The following ST7 variants were observed in gnomAD, a reference collection of about 807,000 sequenced individuals.
The protein encoded by ST7 is suppression of tumorigenicity 7, also known as suppressor of tumorigenicity 7 protein.
In ST7, 28 loss-of-function variants were observed where a neutral mutation model predicts 78.7. The observed-to-expected ratio is 0.36, with a 90% CI of 0.26 to 0.49. The LOEUF (loss-of-function observed/expected upper bound fraction) is 0.49, where lower values mean the gene tolerates loss of function less well. Ranked by LOEUF, ST7 falls within the 20% of genes least tolerant of loss-of-function variation. ST7 has a pLI of 0.99. For synonymous variants in ST7, 247 were observed against 249.6 expected, an observed-to-expected ratio of 0.99 and a Z score of 0.10; for missense variants, 418 against 696.0, an observed-to-expected ratio of 0.60 and a Z score of 4.49.
intron 9 of ST7, among the ~76,000 whole-genome samples, chr7:117,162,905 A>T (rs889637717): frequency 1.8e-4 from 28 of 152,084 alleles, no homozygotes; most frequent in African/African-American, 6.0e-4. Context: ...ATCTTTTAAC[A>T]AATCTCTCTC....
At chr7:117,035,678 T>C (rs1314639632) in intron 1 of ST7, among the ~76,000 whole-genome samples, 1 of 152,186 alleles carries the variant, frequency 6.6e-6, no homozygotes, top group Non-Finnish European at 1.5e-5. Context: ...AGGAGGACAT[T>C]GGTTTTCATG....
chr7:117,208,311 A>C (rs985758359), intron 12 of ST7, among the ~76,000 whole-genome samples: 1 of 152,176 alleles, frequency 6.6e-6, no homozygotes, highest in Admixed American at 6.5e-5. Flanking sequence ...CCTCTCATGG[A>C]CCAGCCTGGA....
At chr7:117,038,115 C>G (rs1796994003) in intron 1 of ST7, among the ~76,000 whole-genome samples, 1 of 152,146 alleles carries the variant, frequency 6.6e-6, no homozygotes, top group Non-Finnish European at 1.5e-5. Context: ...AGGTCATTCC[C>G]AAGCTAATGG....
chr7:117,072,909 A>G (rs1001459305), intron 1 of ST7: 2 of 152,306 alleles, frequency 1.3e-5, no homozygotes, highest in African/African-American at 4.8e-5. Context: ...AAAGTGGCAC[A>G]CAAGCATGAG....
chr7:116,969,863 G>A, intron 1 of ST7, among the ~76,000 whole-genome samples: 1 of 152,134 alleles, frequency 6.6e-6, no homozygotes, highest in Non-Finnish European at 1.5e-5. Context: ...ATCACCTGAA[G>A]TTAGGAGTTT....
chr7:117,151,253 G>C (rs1302054639), intron 9 of ST7, among the ~76,000 whole-genome samples: 1 of 152,168 alleles, frequency 6.6e-6, no homozygotes, highest in Non-Finnish European at 1.5e-5. Flanking sequence ...CTCTGTATGT[G>C]GTCTGCGAGG....
Position 117,195,086 on chromosome 7 carries a change from A to T in ST7, c.1254+4150A>T, listed in dbSNP as rs566257848. Among the ~76,000 whole-genome samples the T allele has an allele frequency of 1.6e-3, 248 of 152,346 alleles. 2 individuals are homozygous for T. Among genetic ancestry groups the T allele is most frequent in the African/African-American group, 5.8e-3 (243 of 41,572 alleles). ...TTTGCTCTATAGTGATATTATAAAA[A>T]ACAATCTACTCATATTTAAGACTAT... On this transcript the variant is annotated intron_variant, in intron 12 of 15. Transcript: ENST00000323984.
intron 9 of ST7, among the ~76,000 whole-genome samples, chr7:117,148,248 T>C (rs534337905): frequency 2.0e-5 from 3 of 152,308 alleles, no homozygotes; most frequent in East Asian, 3.9e-4. Flanking sequence ...CTTACTGATA[T>C]GTTATTATGA....
intron 1 of ST7, among the ~76,000 whole-genome samples, chr7:117,005,662 T>G (rs1357026329): frequency 6.6e-6 from 1 of 152,166 alleles, no homozygotes; most frequent in South Asian, 2.1e-4. Flanking sequence ...AGATGTAGTA[T>G]GCTGAATTCC....
intron 1 of ST7, among the ~76,000 whole-genome samples, chr7:116,993,187 C>T (rs1464187727): frequency 2.0e-5 from 3 of 152,148 alleles, no homozygotes; most frequent in Non-Finnish European, 2.9e-5. Flanking sequence ...TTTTTAGCAA[C>T]GCCCCACTCT....
chr7:117,034,289 A>G (rs1469796126), intron 1 of ST7, among the ~76,000 whole-genome samples: 5 of 152,202 alleles, frequency 3.3e-5, no homozygotes, highest in Admixed American at 6.5e-5. Context: ...TAAAGGCTCA[A>G]TGAATGCTAC....
At chr7:117,116,898 C>T (rs886676165) in intron 2 of ST7, among the ~76,000 whole-genome samples, 1 of 152,142 alleles carries the variant, frequency 6.6e-6, no homozygotes, top group African/African-American at 2.4e-5. Context: ...AATCTGGTCC[C>T]ATTTGATAGA....
At chr7:117,128,644 T>C (rs988337964) in intron 3 of ST7, among the ~76,000 whole-genome samples, 18 of 151,836 alleles carry the variant, frequency 1.2e-4, no homozygotes, top group Non-Finnish European at 2.2e-4. Flanking sequence ...CAAATATTTG[T>C]TGAGATTACA....
At chr7:116,955,705 C>T (rs1341543910) in intron 1 of ST7, among the ~76,000 whole-genome samples, 4 of 152,184 alleles carry the variant, frequency 2.6e-5, no homozygotes, top group African/African-American at 9.7e-5. Flanking sequence ...GTAAGTGTCA[C>T]ATCCAGTGCT....
intron 1 of ST7, among the ~76,000 whole-genome samples, chr7:117,096,580 T>C (rs1337144021): frequency 6.6e-6 from 1 of 152,236 alleles, no homozygotes; most frequent in East Asian, 1.9e-4. Flanking sequence ...TGGGGGCAGG[T>C]TGACTGGCAT....
rs947329249 is a variant in ST7 at position 117,151,879 on chromosome 7, G to A, written c.963+13347G>A. On this transcript the variant is annotated intron_variant, in intron 9 of 15. Coordinates refer to ENST00000323984, the MANE Select transcript of ST7 (RefSeq NM_001369598.1). ...TCACGCCTATAATCTCAGCACTTAG[G>A]GAGGCTGAGGCAGGTGGATCACTTG... Among the ~76,000 whole-genome samples the A allele has an allele frequency of 1.6e-4, 25 of 152,092 alleles. No individual in the cohort carries two copies. The East Asian group carries it at 4.7e-3, about 28-fold the overall frequency.
chr7:117,090,049 G>C (rs1044218491), intron 1 of ST7, among the ~76,000 whole-genome samples: 1 of 152,132 alleles, frequency 6.6e-6, no homozygotes, highest in Non-Finnish European at 1.5e-5. Context: ...TTTTAAAAGT[G>C]TCTGGTTTAA....
chr7:116,979,363 C>T (rs931200049), intron 1 of ST7, among the ~76,000 whole-genome samples: 3 of 152,180 alleles, frequency 2.0e-5, no homozygotes, highest in Non-Finnish European at 4.4e-5. Context: ...TTACAGCAGT[C>T]TTCTTGTCTT....
At chr7:117,142,400 A>G (rs1037401188) in intron 9 of ST7, among the ~76,000 whole-genome samples, 71 of 152,228 alleles carry the variant, frequency 4.7e-4, no homozygotes, top group African/African-American at 1.6e-3. Flanking sequence ...TGCCTTGTGC[A>G]TTGTAGGATG....
Sources: allele counts gnomAD v4.1 joint callset (sites outside exome capture counted in the v4.1 genomes callset), GRCh38; gene constraint gnomAD v4.1.1; transcripts MANE v1.5; gene names NCBI Gene and HGNC (gene_info 2026-07-23, HGNC 2026-07-21).